The following RHBDL3 variants were observed in gnomAD, a reference collection of about 807,000 sequenced individuals.
The protein encoded by RHBDL3 is rhomboid like 3.
In RHBDL3, 28 loss-of-function variants were observed where a neutral mutation model predicts 48.2. The ratio of observed to expected loss-of-function variants is 0.58; its 90% confidence interval spans 0.43 to 0.80. The LOEUF is 0.80. Among genes scored for constraint, RHBDL3 ranks in the 30% least tolerant of loss-of-function variants. The probability of loss-of-function intolerance (pLI) is 0.00; values close to 1 mark genes in which losing one functional copy is unlikely to be tolerated. For missense variants in RHBDL3, 464 were observed against 542.7 expected, an observed-to-expected ratio of 0.85 and a Z score of 1.44; for synonymous variants, 208 against 232.3, an observed-to-expected ratio of 0.90 and a Z score of 0.95.
rs540720932 is a variant in RHBDL3 at position 32,324,353 on chromosome 17, G to C, written c.*3124G>C. On this transcript the variant is annotated 3_prime_UTR_variant, in exon 9 of 9. Transcript: ENST00000269051. The stretch of plus-strand genomic sequence containing the variant: ...AGGGGAGCTGTTGCTCACCACACCA[G>C]GATCTTCCCCCAGCGTCCAATTTAA... 1.3e-5 allele frequency: 2 copies of C among 152,772 alleles called. No homozygotes were observed. Among genetic ancestry groups the C allele is most frequent in the South Asian group, 4.1e-4 (2 of 4,828 alleles). The allele number at this position is 152,772 out of a possible 1,614,324, so 9.5% of individuals were successfully genotyped here.
intron 3 of RHBDL3, among the ~76,000 whole-genome samples, chr17:32,286,193 A>C (rs1353936849): frequency 6.6e-6 from 1 of 152,150 alleles, no homozygotes; most frequent in Non-Finnish European, 1.5e-5. Context: ...CAGCCCCAGC[A>C]CCTGTGTGTT....
intron 2 of RHBDL3, among the ~76,000 whole-genome samples, chr17:32,276,145 A>G (rs2039892779): frequency 6.6e-6 from 1 of 152,152 alleles, no homozygotes; most frequent in Non-Finnish European, 1.5e-5. Context: ...CAAATGTGAA[A>G]GTCAGTATTT....
intron 4 of RHBDL3, among the ~76,000 whole-genome samples, chr17:32,293,320 G>A (rs1409297225): frequency 2.0e-5 from 3 of 152,132 alleles, no homozygotes; most frequent in Non-Finnish European, 2.9e-5. Context: ...AGTGGCTCAT[G>A]CCTGTAATCC....
At chr17:32,314,020 A>G (rs1232092303) in intron 7 of RHBDL3, among the ~76,000 whole-genome samples, 1 of 152,060 alleles carries the variant, frequency 6.6e-6, no homozygotes, top group Non-Finnish European at 1.5e-5. Flanking sequence ...CGGCCTCCCA[A>G]AGTGCTGGGA....
At chr17:32,274,534 C>A (rs116102432) in intron 2 of RHBDL3, among the ~76,000 whole-genome samples, 1 of 152,182 alleles carries the variant, frequency 6.6e-6, no homozygotes, top group African/African-American at 2.4e-5. Context: ...ATTTTGATCT[C>A]TCAGCAGCCC....
intron 8 of RHBDL3, among the ~76,000 whole-genome samples, chr17:32,319,059 G>A (rs954093950): frequency 1.3e-5 from 2 of 151,690 alleles, no homozygotes; most frequent in Admixed American, 1.3e-4. Flanking sequence ...TAGCTTCTGC[G>A]TCTGCTTAGG....
Position 32,266,300 on chromosome 17 carries a change from C to A in RHBDL3, c.111C>A (p.Asp37Glu). 6.9e-7 allele frequency: 1 copy of A among 1,444,012 alleles called. No individual in the cohort carries two copies. The highest frequency in any genetic ancestry group is 9.1e-7 in the Non-Finnish European group (1 of 1,096,126). 89.4% of individuals were successfully genotyped at this position (1,444,012 alleles called of 1,614,324 possible). The change falls in exon 1 of 9, where the codon GAC (aspartate) becomes GAA (glutamate). Residue 37 changes from aspartate (D) to glutamate (E), a missense_variant and splice_region_variant. Coordinates refer to ENST00000269051, the MANE Select transcript of RHBDL3 (RefSeq NM_138328.3). ...AGCGGCTGCCCGCGGCGCCGGAGGA[C>A]GTGAGTGCCCCCTCCCCGCCCGGCA... ...AEERLPAAPE[D>E]HWKVLFDQFD...
At chr17:32,276,708 C>T (rs1436807236) in intron 2 of RHBDL3, among the ~76,000 whole-genome samples, 2 of 149,902 alleles carry the variant, frequency 1.3e-5, no homozygotes, top group Non-Finnish European at 3.0e-5. Flanking sequence ...CACAGTACTC[C>T]GGCCCTAGCA....
At chr17:32,311,443 T>A (rs1338441963) in intron 7 of RHBDL3, among the ~76,000 whole-genome samples, 4 of 152,178 alleles carry the variant, frequency 2.6e-5, no homozygotes, top group African/African-American at 9.7e-5. Context: ...TCGCTCCATT[T>A]GTGGGCAGCT....
intron 3 of RHBDL3, chr17:32,288,457 A>C (rs1248544885): frequency 1.3e-5 from 4 of 311,354 alleles, no homozygotes; most frequent in Non-Finnish European, 2.4e-5. Flanking sequence ...AGTGAACACA[A>C]ATACGGGCTC....
At chr17:32,268,163 G>A (rs532286663) in intron 2 of RHBDL3, among the ~76,000 whole-genome samples, 6 of 152,244 alleles carry the variant, frequency 3.9e-5, no homozygotes, top group African/African-American at 1.4e-4. Flanking sequence ...CACCAGAGCC[G>A]GGTTTACACC....
Position 32,298,155 on chromosome 17 carries a change from G to T in RHBDL3, c.732G>T (p.Val244=), listed in dbSNP as rs145659720. The change falls in exon 6 of 9, where the codon GTG becomes GTT. Residue 244 remains valine (V), a synonymous_variant. Transcript: ENST00000269051. ...QLLVGVPLEM[V]HGATRIGLVY... ...TGGTGGGGGTGCCCCTGGAGATGGTGCATGGAGCCACCCGAATTGGGCTTG... is the reference window on the plus strand; with the variant it reads ...TGGTGGGGGTGCCCCTGGAGATGGTTCATGGAGCCACCCGAATTGGGCTTG... The T allele has an allele frequency of 2.5e-4, 398 of 1,614,126 alleles. No homozygotes were observed. The African/African-American group carries it at 4.7e-3, about 19-fold the overall frequency.
In RHBDL3 at chr17:32,316,445, C is replaced by G. The variant is rs56302426; in HGVS notation, c.943+153C>G. On this transcript the variant is annotated intron_variant, in intron 8 of 8. Transcript: ENST00000269051. ...CAAAAAAGTAGGGATATTGTGAGAG[C>G]TGTCTGTCCTGCTGTGCTGCTTCGT... Among the ~76,000 whole-genome samples, 252 of 152,312 alleles carry G rather than the reference C, an allele frequency of 1.7e-3. No homozygotes were observed. Among genetic ancestry groups the G allele is most frequent in the African/African-American group, 5.8e-3 (243 of 41,578 alleles).
intron 6 of RHBDL3, among the ~76,000 whole-genome samples, chr17:32,304,717 G>A (rs769204660): frequency 1.3e-5 from 2 of 152,216 alleles, no homozygotes; most frequent in African/African-American, 4.8e-5. Flanking sequence ...ATTGGATTGA[G>A]AGGCAGATAA....
At chr17:32,283,755 A>G (rs1394561115) in intron 2 of RHBDL3, among the ~76,000 whole-genome samples, 2 of 152,194 alleles carry the variant, frequency 1.3e-5, no homozygotes, top group Non-Finnish European at 2.9e-5. Context: ...GCTCTGTGCT[A>G]AGTACCGGGG....
At chr17:32,296,252 A>AAAAAAG (rs2040444573) in intron 5 of RHBDL3, among the ~76,000 whole-genome samples, 1 of 149,344 alleles carries the variant, frequency 6.7e-6, no homozygotes, top group African/African-American at 2.5e-5. Flanking sequence ...CAAAAAAAAA[A>AAAAAAG]AAAAAAGAAA....
intron 8 of RHBDL3, among the ~76,000 whole-genome samples, chr17:32,319,188 C>T (rs2041047035): frequency 6.6e-6 from 1 of 151,598 alleles, no homozygotes; most frequent in South Asian, 2.1e-4. Flanking sequence ...TTTGGGAGGC[C>T]GAGGCGGACG....
chr17:32,319,986 T>G (rs2041083463), intron 8 of RHBDL3, among the ~76,000 whole-genome samples: 1 of 152,004 alleles, frequency 6.6e-6, no homozygotes, highest in African/African-American at 2.4e-5. Context: ...TAGAATCTGT[T>G]ACAGGTCTGG....
chr17:32,292,822 A>G (rs1223817661), intron 4 of RHBDL3, among the ~76,000 whole-genome samples: 1 of 143,374 alleles, frequency 7.0e-6, no homozygotes, highest in African/African-American at 2.6e-5. Flanking sequence ...AAAAAAAAAA[A>G]GGAAGGGAAG....
Sources: gnomAD v4.1 joint callset for allele counts (sites outside exome capture counted in the v4.1 genomes callset) on GRCh38, gnomAD v4.1.1 for gene constraint, MANE v1.5 for transcripts, NCBI Gene and HGNC (gene_info 2026-07-23, HGNC 2026-07-21) for gene names.